Variants in RGS21 observed in about 807,000 individuals in gnomAD.
RGS21 encodes regulator of G protein signaling 21.
In RGS21, 19 loss-of-function variants were observed where a neutral mutation model predicts 18.7. That is an observed-to-expected ratio of 1.01 (90% CI 0.71 to 1.49). The LOEUF (loss-of-function observed/expected upper bound fraction) is 1.49, where lower values mean the gene tolerates loss of function less well. RGS21 is among the 40% of genes most tolerant of loss of function. RGS21 has a pLI of 0.00. For synonymous variants in RGS21, 56 were observed against 57.8 expected (o/e 0.97, Z 0.14); for missense variants, 194 against 176.8 (o/e 1.10, Z -0.55).
chr1:192,322,688 C>T (rs1329313538), intron 1 of RGS21, among the ~76,000 whole-genome samples: 1 of 152,064 alleles, frequency 6.6e-6, no homozygotes, highest in African/African-American at 2.4e-5. Context: ...ACTCAAACAA[C>T]TCAACACCAT....
chr1:192,364,820 C>A (rs1468417445), intron 4 of RGS21, among the ~76,000 whole-genome samples: 3 of 152,030 alleles, frequency 2.0e-5, no homozygotes, highest in Non-Finnish European at 4.4e-5. Flanking sequence ...CTATGGTGAG[C>A]TTTTAATTTT....
intron 1 of RGS21, among the ~76,000 whole-genome samples, chr1:192,323,722 T>C (rs1047436196): frequency 6.6e-6 from 1 of 152,110 alleles, no homozygotes; most frequent in Non-Finnish European, 1.5e-5. Context: ...GAACTGCAGG[T>C]GAAGACTGGA....
chr1:192,350,364 T>C (rs1659022695), intron 3 of RGS21, among the ~76,000 whole-genome samples: 1 of 152,238 alleles, frequency 6.6e-6, no homozygotes, highest in Non-Finnish European at 1.5e-5. Flanking sequence ...TTTTGCATTC[T>C]GCAGGCAGCA....
At chr1:192,335,390 T>C (rs1380681619) in intron 1 of RGS21, among the ~76,000 whole-genome samples, 1 of 152,228 alleles carries the variant, frequency 6.6e-6, no homozygotes, top group Non-Finnish European at 1.5e-5. Flanking sequence ...AGCTTACTAA[T>C]AGAGATCATT....
chr1:192,359,322 G>A (rs868640427), intron 4 of RGS21, among the ~76,000 whole-genome samples: 4 of 152,120 alleles, frequency 2.6e-5, no homozygotes, highest in East Asian at 3.9e-4. Flanking sequence ...GCAGTTCATA[G>A]TTGGAGATGC....
Position 192,366,093 on chromosome 1 carries a change from C to T in RGS21, c.428C>T (p.Pro143Leu), listed in dbSNP as rs866935439. 2.3e-5 allele frequency: 37 copies of T among 1,609,404 alleles called. No homozygotes were observed. Among genetic ancestry groups the T allele is most frequent in the Non-Finnish European group, 3.1e-5 (37 of 1,177,898 alleles). ...YKKLVNSQQV[P>L]NHKKWLPFL is the part of the protein sequence containing the mutation. ...AAACTGGTAAATAGCCAACAGGTTC[C>T]AAATCATAAAAAATGGCTCCCTTTT... is the stretch of plus-strand genomic sequence containing the variant. Residue 143 changes from proline to leucine, a missense_variant, in exon 5 of 5, where the codon CCA (proline) becomes CTA (leucine). By Grantham distance (98) the Pro-to-Leu change is moderately conservative. Coordinates refer to ENST00000417209, the MANE Select transcript of RGS21 (RefSeq NM_001039152.3).
intron 1 of RGS21, among the ~76,000 whole-genome samples, chr1:192,318,597 C>A (rs559802274): frequency 2.6e-4 from 40 of 152,188 alleles, no homozygotes; most frequent in African/African-American, 9.1e-4. Context: ...GGTCAGATAT[C>A]ATTTACTTCT....
At chr1:192,333,286 A>C (rs1023300174) in intron 1 of RGS21, among the ~76,000 whole-genome samples, 2 of 151,828 alleles carry the variant, frequency 1.3e-5, no homozygotes, top group Admixed American at 6.6e-5. Flanking sequence ...ACACACACAC[A>C]CACACACACA....
intron 1 of RGS21, among the ~76,000 whole-genome samples, chr1:192,330,013 C>T (rs1658622544): frequency 1.3e-5 from 2 of 152,022 alleles, no homozygotes; most frequent in South Asian, 2.1e-4. Context: ...TATATTTCTA[C>T]GTCCAACATT....
At position 192,355,728 on chromosome 1, in the gene RGS21, T is replaced by C. The variant is rs182697797; in HGVS notation, c.255+3515T>C. ...ATTGCTAATTTCAGATTATTGAATT[T>C]TCAAGAAAATATTACTTAACTTTGA... On this transcript the variant is annotated intron_variant, in intron 4 of 4. Transcript: ENST00000417209. Among the ~76,000 whole-genome samples, 521 of 151,510 alleles carry C rather than the reference T, an allele frequency of 3.4e-3. 3 individuals carry two copies. The highest frequency in any genetic ancestry group is 0.012 in the African/African-American group (497 of 41,462).
intron 1 of RGS21, among the ~76,000 whole-genome samples, chr1:192,328,252 T>A (rs546950054): frequency 6.6e-6 from 1 of 152,288 alleles, no homozygotes; most frequent in African/African-American, 2.4e-5. Flanking sequence ...TACAAGACTA[T>A]TAGAATTAAT....
At chr1:192,355,512 G>C (rs561784888) in intron 4 of RGS21, among the ~76,000 whole-genome samples, 1 of 151,468 alleles carries the variant, frequency 6.6e-6, no homozygotes, top group South Asian at 2.1e-4. Context: ...ATTTTACCTA[G>C]ATGGCTTCAG....
intron 4 of RGS21, among the ~76,000 whole-genome samples, chr1:192,360,571 C>T (rs544893764): frequency 2.5e-4 from 38 of 152,208 alleles, no homozygotes; most frequent in African/African-American, 9.1e-4. Flanking sequence ...CACCCACAGC[C>T]AGCTATTACA....
intron 1 of RGS21, among the ~76,000 whole-genome samples, chr1:192,331,253 T>G (rs1028567945): frequency 2.0e-5 from 3 of 152,136 alleles, no homozygotes; most frequent in African/African-American, 4.8e-5. Flanking sequence ...AAAAATCTAT[T>G]TTAAATAAAT....
At chr1:192,361,528 T>TA (rs1369326776) in intron 4 of RGS21, among the ~76,000 whole-genome samples, 4 of 152,086 alleles carry the variant, frequency 2.6e-5, no homozygotes, top group Admixed American at 6.6e-5. Flanking sequence ...CAAATCTGTT[T>TA]AAAAAATCAA....
At chr1:192,322,915 C>G (rs1379322804) in intron 1 of RGS21, among the ~76,000 whole-genome samples, 3 of 152,032 alleles carry the variant, frequency 2.0e-5, no homozygotes, top group Non-Finnish European at 4.4e-5. Context: ...GTTTAAATAT[C>G]AGTAATATAC....
At chr1:192,344,117 T>C (rs1658913566) in intron 2 of RGS21, among the ~76,000 whole-genome samples, 2 of 152,096 alleles carry the variant, frequency 1.3e-5, no homozygotes, top group African/African-American at 2.4e-5. Context: ...ATATTGTTCA[T>C]GAATTCTTAA....
At chr1:192,364,378 A>T (rs1238072707) in intron 4 of RGS21, among the ~76,000 whole-genome samples, 1 of 152,178 alleles carries the variant, frequency 6.6e-6, no homozygotes, top group Non-Finnish European at 1.5e-5. Flanking sequence ...CCTTTTGATG[A>T]TTCTTTTCAA....
chr1:192,332,827 T>C (rs190045183), intron 1 of RGS21, among the ~76,000 whole-genome samples: 5 of 152,212 alleles, frequency 3.3e-5, no homozygotes, highest in Admixed American at 3.3e-4. Context: ...GGCAGGAAGA[T>C]GGATTGAGCC....
Sources: allele counts gnomAD v4.1 joint callset (sites outside exome capture counted in the v4.1 genomes callset), GRCh38; gene constraint gnomAD v4.1.1; transcripts MANE v1.5; gene names NCBI Gene and HGNC (gene_info 2026-07-23, HGNC 2026-07-21).